TCIRG1: variants seen among roughly 807,000 people sequenced by gnomAD.
TCIRG1 encodes T cell immune regulator 1, ATPase H+ transporting V0 subunit a3.
A neutral mutation model predicts 95.5 loss-of-function variants in TCIRG1; 86 were observed. The observed-to-expected ratio is 0.90, with a 90% CI of 0.76 to 1.08. TCIRG1 has a LOEUF of 1.08. Among genes scored for constraint, TCIRG1 ranks in the 50% least tolerant of loss-of-function variants. TCIRG1 has a pLI of 0.00. For missense variants in TCIRG1, 1,069 were observed against 1,140.2 expected, an observed-to-expected ratio of 0.94 and a Z score of 0.90; for synonymous variants, 499 against 501.3, an observed-to-expected ratio of 1.00 and a Z score of 0.06.
chr11:68,043,964 C>A (rs911072322), intron 8 of TCIRG1, 57 bp downstream of exon 8: 1 of 1,421,198 alleles, frequency 7.0e-7, no homozygotes. Flanking sequence ...CCCGGCCTCC[C>A]GGAGGTGGGT....
chr11:68,050,958 T>C, downstream of TCIRG1: 1 of 963,868 alleles, frequency 1.0e-6, no homozygotes, highest in Non-Finnish European at 1.6e-6. Flanking sequence ...GAAGGCATGG[T>C]GTAGGATCTG....
chr11:68,045,702 C>T (rs1195581299), intron 10 of TCIRG1, among the ~76,000 whole-genome samples: 6 of 152,228 alleles, frequency 3.9e-5, no homozygotes, highest in African/African-American at 1.4e-4. Context: ...TACAGGCACG[C>T]ACCACCACGC....
chr11:68,041,728 T>G, intron 2 of TCIRG1, 25 bp from the exon 3 acceptor site: 1 of 1,596,376 alleles, frequency 6.3e-7, no homozygotes, highest in Non-Finnish European at 8.5e-7. Context: ...CCCGGGACAC[T>G]CACCCCTCCG....
intron 1 of TCIRG1, 37 bp from the exon 2 acceptor site, chr11:68,041,231 C>A: frequency 1.4e-6 from 2 of 1,414,610 alleles, no homozygotes; most frequent in Non-Finnish European, 2.0e-6. Flanking sequence ...TGTCTGTGGT[C>A]TGCCCCTGAC....
chr11:68,042,629 T>A lies in TCIRG1; in HGVS notation c.197-14T>A, dbSNP rs946544899. 1.3e-6 allele frequency: 2 copies of A among 1,546,084 alleles called. No homozygotes were observed. Among genetic ancestry groups the A allele is most frequent in the African/African-American group, 2.7e-5 (2 of 72,910 alleles). ...AACCTCAACTGCACCCCACTCCCGT[T>A]CCTCTGCGCCCAGCCTTCCTGCAGG... On this transcript the variant is annotated splice_polypyrimidine_tract_variant and intron_variant, in intron 3 of 19. Transcript: ENST00000265686.
rs577139125 is a variant in TCIRG1 at position 68,049,545 on chromosome 11, G to C, written c.1888-118G>C. The C allele has an allele frequency of 1.9e-5, 27 of 1,399,746 alleles. No homozygotes were observed. In the East Asian group the frequency reaches 2.7e-4, roughly 14 times the overall value. The allele number at this position is 1,399,746 out of a possible 1,614,324, so 86.7% of individuals were successfully genotyped here. A position where few individuals can be genotyped will look rare whatever the true frequency, so the allele number is the denominator to read the frequency against. On this transcript the variant is annotated intron_variant, in intron 15 of 19. Transcript: ENST00000265686. ...CACCCAGTGAGGGCACGGAGCCCCC[G>C]GGGGCCCTGGAGGGAGGAGCGACCG...
intron 10 of TCIRG1, among the ~76,000 whole-genome samples, chr11:68,045,850 G>A (rs1855455200): frequency 6.6e-6 from 1 of 152,222 alleles, no homozygotes; most frequent in Non-Finnish European, 1.5e-5. Flanking sequence ...ACTGGATGAG[G>A]CAGGGCCCCT....
rs767392136 is a variant in TCIRG1 at position 68,041,298 on chromosome 11, G to A, written c.27G>A (p.Glu9=). Residue 9 remains glutamate, a synonymous_variant, in exon 2 of 20, where the codon GAG becomes GAA. Coordinates refer to ENST00000265686, the MANE Select transcript of TCIRG1 (RefSeq NM_006019.4). MGSMFRSE[E]VALVQLFLPT... ...TGGGCTCCATGTTCCGGAGCGAGGA[G>A]GTGGCCCTGGTCCAGCTCTTTCTGC... 1 of 1,613,080 alleles carries A rather than the reference G, an allele frequency of 6.2e-7. No homozygotes were observed. Among genetic ancestry groups the A allele is most frequent in the Non-Finnish European group, 8.5e-7 (1 of 1,179,894 alleles).
chr11:68,051,144 G>A (rs1222223002), downstream of TCIRG1, among the ~76,000 whole-genome samples: 1 of 152,236 alleles, frequency 6.6e-6, no homozygotes, highest in Admixed American at 6.5e-5. Flanking sequence ...TTGGAGGTGT[G>A]CACCTGGCTG....
chr11:68,050,655 G>A lies in TCIRG1; in HGVS notation c.2405G>A (p.Arg802Gln), dbSNP rs757671003. Reference protein sequence around the residue: ...EGLSAFLHALRLHWVEFQNKF... With the variant: ...EGLSAFLHALQLHWVEFQNKF... ...CTCTCAGCCTTCCTGCACGCCCTGC[G>A]GCTGCACTGGTGAGCGACCACCCAC... Residue 802 changes from arginine (R) to glutamine (Q), a missense_variant, in exon 19 of 20, where the codon CGG (arginine) becomes CAG (glutamine). Physicochemically the swap from Arg to Gln is conservative, Grantham distance 43. Transcript: ENST00000265686. 1 of 1,613,398 alleles carries A rather than the reference G, an allele frequency of 6.2e-7. No individual in the cohort carries two copies.
chr11:68,040,700 T>G (rs1406906567), intron 1 of TCIRG1, among the ~76,000 whole-genome samples: 1 of 152,214 alleles, frequency 6.6e-6, no homozygotes. Context: ...GTTTCACTTT[T>G]GTTGGTTTCA....
Position 68,050,629 on chromosome 11 carries a change from AC to A in TCIRG1, c.2380del (p.Leu794SerfsTer27). On this transcript the variant is annotated frameshift_variant, in exon 19 of 20. Coordinates refer to ENST00000265686, the MANE Select transcript of TCIRG1 (RefSeq NM_006019.4). LOFTEE classifies it high-confidence loss of function. Reference protein sequence around the residue: ...TVAILLVMEGLSAFLHALRLH... With the variant: ...TVAILLVMEGXSAFLHALRLH... ...TGGCTATCCTGCTGGTGATGGAGGG[AC>A]TCTCAGCCTTCCTGCACGCCCTGCG... 1 of 1,612,826 alleles carries A rather than the reference AC, an allele frequency of 6.2e-7. No homozygotes were observed. The highest frequency in any genetic ancestry group is 8.5e-7 in the Non-Finnish European group (1 of 1,179,872).
At chr11:68,049,816 G>A in intron 16 of TCIRG1, 28 bp downstream of exon 16, 3 of 1,560,420 alleles carry the variant, frequency 1.9e-6, no homozygotes, top group South Asian at 1.2e-5. Flanking sequence ...GGTGTGGGGG[G>A]CTGCTTGCGG....
At position 68,049,987 on chromosome 11, in the gene TCIRG1, A is replaced by G; in HGVS notation, c.2039A>G (p.Asp680Gly). Residue 680 changes from aspartate to glycine, a missense_variant, in exon 17 of 20, where the codon GAC (aspartate) becomes GGC (glycine). Coordinates refer to ENST00000265686, the MANE Select transcript of TCIRG1 (RefSeq NM_006019.4). ...RQEENKAGLL[D>G]LPDASVNGWS... ...GAGGAAAACAAGGCCGGGTTGCTGG[A>G]CCTGCCTGACGCATCTGTGAATGGC... 6.2e-7 allele frequency: 1 copy of G among 1,612,384 alleles called. No homozygotes were observed. The highest frequency in any genetic ancestry group is 8.5e-7 in the Non-Finnish European group (1 of 1,179,784).
intron 8 of TCIRG1, 23 bp from the exon 9 acceptor site, chr11:68,044,109 G>C (rs753349422): frequency 6.5e-7 from 1 of 1,542,836 alleles, no homozygotes; most frequent in Non-Finnish European, 8.7e-7. Context: ...CCCAGCCCCC[G>C]CTGACTGCCC....
At chr11:68,051,495 C>T (rs1007395305), downstream of TCIRG1, among the ~76,000 whole-genome samples, 6 of 152,192 alleles carry the variant, frequency 3.9e-5, no homozygotes, top group Admixed American at 2.6e-4. Context: ...TTCTGCAGTT[C>T]CCTCTGGCCT....
chr11:68,040,180 AG>A (rs1176832906), intron 1 of TCIRG1, among the ~76,000 whole-genome samples: 1 of 152,206 alleles, frequency 6.6e-6, no homozygotes, highest in Non-Finnish European at 1.5e-5. Flanking sequence ...TGTCTCTGTC[AG>A]GGGTGCCACG....
chr11:68,041,662 A>G (rs563756854), intron 2 of TCIRG1, 91 bp from the exon 3 acceptor site: 2 of 1,100,710 alleles, frequency 1.8e-6, no homozygotes, highest in South Asian at 2.6e-5. Context: ...GGAGGCAGCT[A>G]AGGCCTGGGG....
intron 10 of TCIRG1, among the ~76,000 whole-genome samples, chr11:68,046,140 A>G (rs1306635365): frequency 6.6e-6 from 1 of 152,164 alleles, no homozygotes; most frequent in Admixed American, 6.5e-5. Flanking sequence ...AAGCTGTAAC[A>G]AAGTGCCACC....
Sources: allele counts gnomAD v4.1 joint callset (sites outside exome capture counted in the v4.1 genomes callset), GRCh38; gene constraint gnomAD v4.1.1; transcripts MANE v1.5; gene names NCBI Gene and HGNC (gene_info 2026-07-23, HGNC 2026-07-21).